Variants in LHX1 observed in about 807,000 individuals in gnomAD.
The protein encoded by LHX1 is LIM homeobox 1.
In LHX1, 9 loss-of-function variants were observed where a neutral mutation model predicts 34.1. That is an observed-to-expected ratio of 0.26 (90% CI 0.16 to 0.46). LHX1 has a LOEUF of 0.46. Ranked by LOEUF, LHX1 falls within the 20% of genes least tolerant of loss-of-function variation. The pLI is 1.00. For missense variants in LHX1, 446 were observed against 559.1 expected, an observed-to-expected ratio of 0.80 and a Z score of 2.04; for synonymous variants, 254 against 241.5, an observed-to-expected ratio of 1.05 and a Z score of -0.48.
At position 36,943,259 on chromosome 17, in the gene LHX1, C is replaced by CT; in HGVS notation, c.*130dup. On this transcript the variant is annotated 3_prime_UTR_variant, in exon 5 of 5. Coordinates refer to ENST00000614239, the MANE Select transcript of LHX1 (RefSeq NM_005568.5). ...TCCTCCAGCCTCGAGAACCATTCTCCTTCTGGGGAGACCGGATGGAAAAGG... is the reference window on the plus strand; with the variant it reads ...TCCTCCAGCCTCGAGAACCATTCTCCTTTCTGGGGAGACCGGATGGAAAAGG... 1 of 1,151,482 alleles carries CT rather than the reference C, an allele frequency of 8.7e-7. No homozygotes were observed. Among genetic ancestry groups the CT allele is most frequent in the Non-Finnish European group, 1.2e-6 (1 of 836,096 alleles). The allele number at this position is 1,151,482 out of a possible 1,614,324, so 71.3% of individuals were successfully genotyped here. A position where few individuals can be genotyped will look rare whatever the true frequency, so the allele number is the denominator to read the frequency against.
intron 3 of LHX1, chr17:36,941,269 G>T: frequency 4.3e-6 from 2 of 464,210 alleles, no homozygotes; most frequent in Non-Finnish European, 8.1e-6. Flanking sequence ...CAGTCCCTCT[G>T]CCTTCTGCAC....
Position 36,943,046 on chromosome 17 carries a change from T to A in LHX1, c.1136T>A (p.Phe379Tyr). 1 of 1,606,154 alleles carries A rather than the reference T, an allele frequency of 6.2e-7. No individual in the cohort carries two copies. Among genetic ancestry groups the A allele is most frequent in the Non-Finnish European group, 8.5e-7 (1 of 1,174,854 alleles). ...SAEVFGPSPP[F>Y]SSLSVNGGAS... is the part of the protein sequence containing the mutation. ...GAGGTCTTCGGACCCAGCCCGCCCT[T>A]CTCGTCGCTGTCGGTCAACGGTGGG... The change falls in exon 5 of 5, where the codon TTC (phenylalanine) becomes TAC (tyrosine). Residue 379 changes from phenylalanine (F) to tyrosine (Y), a missense_variant. By Grantham distance (22) the Phe-to-Tyr change is conservative. Transcript: ENST00000614239.
At chr17:36,939,491 T>C (rs1385944485) in intron 1 of LHX1, among the ~76,000 whole-genome samples, 1 of 152,198 alleles carries the variant, frequency 6.6e-6, no homozygotes, top group East Asian at 1.9e-4. Context: ...CAAAGCTCCG[T>C]GCTCGCTGGT....
chr17:36,944,439 C>T lies in LHX1; in HGVS notation c.*1308C>T, dbSNP rs2070789752. On this transcript the variant is annotated 3_prime_UTR_variant, in exon 5 of 5. Coordinates refer to ENST00000614239, the MANE Select transcript of LHX1 (RefSeq NM_005568.5). ...TATTTAAATTTTATGGTCAAATATG[C>T]AGTCAACAGCTGCTACTTTTTCTTT... is the stretch of plus-strand genomic sequence containing the variant. The T allele has an allele frequency of 6.6e-6, 1 of 152,104 alleles. No homozygotes were observed. Among genetic ancestry groups the T allele is most frequent in the Non-Finnish European group, 1.5e-5 (1 of 68,022 alleles). The allele number at this position is 152,104 out of a possible 1,614,324, so 9.4% of individuals were successfully genotyped here.
intron 4 of LHX1, 134 bp from the exon 5 acceptor site, chr17:36,942,618 C>G: frequency 9.2e-7 from 1 of 1,087,964 alleles, no homozygotes; most frequent in Non-Finnish European, 1.3e-6. Context: ...CCCAGGCCCG[C>G]GAGGGCTCCC....
In LHX1 at chr17:36,937,802, C is replaced by A. The variant is rs767073861; in HGVS notation, c.-396C>A. On this transcript the variant is annotated 5_prime_UTR_variant, in exon 1 of 5. Transcript: ENST00000614239. ...TCGCAACCCGAGCTCGGCGAGTCGTCGTCTTCTTCTTCTCCGTTTTTATTT... is the reference window on the plus strand; with the variant it reads ...TCGCAACCCGAGCTCGGCGAGTCGTAGTCTTCTTCTTCTCCGTTTTTATTT... 4.1e-6 allele frequency: 2 copies of A among 486,584 alleles called. No individual in the cohort carries two copies. Among genetic ancestry groups the A allele is most frequent in the South Asian group, 1.5e-5 (1 of 64,814 alleles). 30.1% of individuals were successfully genotyped at this position (486,584 alleles called of 1,614,324 possible). A position where few individuals can be genotyped will look rare whatever the true frequency, so the allele number is the denominator to read the frequency against.
intron 3 of LHX1, 32 bp from the exon 4 acceptor site, chr17:36,942,168 C>T (rs770328632): frequency 1.3e-6 from 2 of 1,556,650 alleles, no homozygotes; most frequent in Non-Finnish European, 1.7e-6. Flanking sequence ...GGTGGAGTCT[C>T]GGTGGCCTCA....
At chr17:36,939,041 G>A (rs979981477) in intron 1 of LHX1, among the ~76,000 whole-genome samples, 1 of 152,186 alleles carries the variant, frequency 6.6e-6, no homozygotes, top group African/African-American at 2.4e-5. Flanking sequence ...TTCAGCCCCA[G>A]GTGACTCCGA....
At chr17:36,937,239 A>C (rs987633962), upstream of LHX1, 1 of 452,050 alleles carries the variant, frequency 2.2e-6, no homozygotes, top group Non-Finnish European at 4.4e-6. Flanking sequence ...ATGCACGGCC[A>C]GGCGCGGTGA....
Position 36,941,037 on chromosome 17 carries a change from C to T in LHX1, c.675+150C>T, listed in dbSNP as rs1288519833. On this transcript the variant is annotated intron_variant, in intron 3 of 4. Coordinates refer to ENST00000614239, the MANE Select transcript of LHX1 (RefSeq NM_005568.5). ...TAGACACATCCCGAGCCTGCGGGACCTATGAAATGCCTGATGCCTTCGAGC... is the reference window on the plus strand; with the variant it reads ...TAGACACATCCCGAGCCTGCGGGACTTATGAAATGCCTGATGCCTTCGAGC... The T allele has an allele frequency of 6.7e-6, 8 of 1,186,546 alleles. No individual in the cohort carries two copies. In the Admixed American group the frequency reaches 7.9e-5, roughly 12 times the overall value. The allele number at this position is 1,186,546 out of a possible 1,614,324, so 73.5% of individuals were successfully genotyped here. A position where few individuals can be genotyped will look rare whatever the true frequency, so the allele number is the denominator to read the frequency against.
chr17:36,940,264 C>CT, intron 1 of LHX1, 26 bp from the exon 2 acceptor site: 1 of 400,208 alleles, frequency 2.5e-6, no homozygotes, highest in Non-Finnish European at 4.6e-6. Flanking sequence ...TCCCCGCCCC[C>CT]GCCCCCCACC....
chr17:36,937,293 A>C (rs1567955619), upstream of LHX1: 1 of 435,046 alleles, frequency 2.3e-6, no homozygotes, highest in Non-Finnish European at 4.6e-6. Context: ...GGGCGCAGGG[A>C]GGGTCGCCCT....
rs1270783378 is a variant in LHX1, at chr17:36,937,601, CA to C, written c.-594del. On this transcript the variant is annotated 5_prime_UTR_variant, in exon 1 of 5. Transcript: ENST00000614239. ...GGCGCGATGCCGGCAGTTTAGGATC[CA>C]AAGCTTCTCTGCTCCTTTTGTTCTT... The C allele has an allele frequency of 3.1e-6, 1 of 325,126 alleles. No individual in the cohort carries two copies. The highest frequency in any genetic ancestry group is 6.0e-6 in the Non-Finnish European group (1 of 165,996). The allele number at this position is 325,126 out of a possible 1,614,324, so 20.1% of individuals were successfully genotyped here.
chr17:36,941,807 G>A (rs1045865998), intron 3 of LHX1, among the ~76,000 whole-genome samples: 5 of 152,226 alleles, frequency 3.3e-5, no homozygotes, highest in Admixed American at 2.6e-4. Flanking sequence ...TGGTTGGGGG[G>A]AGGGTTGCTG....
upstream of LHX1, chr17:36,936,914 G>T: frequency 9.2e-6 from 2 of 217,278 alleles, no homozygotes; most frequent in Non-Finnish European, 9.4e-6. Flanking sequence ...CCCGGGCGGC[G>T]ACAGCGGCGG....
intron 3 of LHX1, among the ~76,000 whole-genome samples, chr17:36,941,959 C>T (rs1384019145): frequency 6.6e-6 from 1 of 152,198 alleles, no homozygotes; most frequent in Non-Finnish European, 1.5e-5. Context: ...ACAACTCTCC[C>T]CCTCCAGACA....
intron 1 of LHX1, 50 bp from the exon 2 acceptor site, chr17:36,940,240 C>A (rs1216577184): frequency 6.6e-6 from 7 of 1,061,078 alleles, no homozygotes; most frequent in Non-Finnish European, 9.8e-6. Context: ...CTCCCCTTGC[C>A]CCTGGCTGAC....
rs529662596 is a variant in LHX1 at position 36,938,644 on chromosome 17, T to C, written c.170+277T>C. 755 of 561,980 alleles carry C rather than the reference T, an allele frequency of 1.3e-3. 2 individuals are homozygous for C. Among genetic ancestry groups the C allele is most frequent in the Non-Finnish European group, 2.1e-3 (668 of 312,338 alleles). The allele number at this position is 561,980 out of a possible 1,614,324, so 34.8% of individuals were successfully genotyped here. Reference sequence around the variant, plus strand: ...ACTCGGCCCAGAAGCCCCTTCAAGCTTGGAAGAGACAGGGCAGCCTCGGGC... The same window carrying C: ...ACTCGGCCCAGAAGCCCCTTCAAGCCTGGAAGAGACAGGGCAGCCTCGGGC... On this transcript the variant is annotated intron_variant, in intron 1 of 4. Transcript: ENST00000614239.
intron 1 of LHX1, among the ~76,000 whole-genome samples, chr17:36,939,089 T>C (rs2070748167): frequency 6.6e-6 from 1 of 152,208 alleles, no homozygotes; most frequent in South Asian, 2.1e-4. Flanking sequence ...CCTAGGAAAC[T>C]GCCAGCCACA....
Sources: gnomAD v4.1 joint callset for allele counts (sites outside exome capture counted in the v4.1 genomes callset) on GRCh38, gnomAD v4.1.1 for gene constraint, MANE v1.5 for transcripts, NCBI Gene and HGNC (gene_info 2026-07-23, HGNC 2026-07-21) for gene names.